ENAH: variants seen among roughly 807,000 people sequenced by gnomAD.
ENAH encodes ENAH actin regulator.
A neutral mutation model predicts 78.7 loss-of-function variants in ENAH; 23 were observed. The ratio of observed to expected loss-of-function variants is 0.29; its 90% confidence interval spans 0.21 to 0.41. The LOEUF is 0.41. Ranked by LOEUF, ENAH falls within the 10% of genes least tolerant of loss-of-function variation. The probability of loss-of-function intolerance (pLI) is 1.00; values close to 1 mark genes in which losing one functional copy is unlikely to be tolerated. For synonymous variants in ENAH, 226 were observed against 241.0 expected, an observed-to-expected ratio of 0.94 and a Z score of 0.58; for missense variants, 544 against 691.0, an observed-to-expected ratio of 0.79 and a Z score of 2.39.
rs1253184395 is a variant in ENAH, at chr1:225,490,814, G to A, written c.*6961C>T. On this transcript the variant is annotated 3_prime_UTR_variant, in exon 14 of 14. Transcript: ENST00000366843. The stretch of plus-strand genomic sequence containing the variant: ...TGGAAATTTAAGTGGCAAAGTCAAC[G>A]TCTTTTACCAACCATCCATGGGCTA... 3 of 152,208 alleles carry A rather than the reference G, an allele frequency of 2.0e-5. No homozygotes were observed. Among genetic ancestry groups the A allele is most frequent in the Admixed American group, 6.5e-5 (1 of 15,274 alleles). The allele number at this position is 152,208 out of a possible 1,614,324, so 9.4% of individuals were successfully genotyped here.
chr1:225,620,399 G>T (rs1485959969), intron 1 of ENAH, among the ~76,000 whole-genome samples: 1 of 151,738 alleles, frequency 6.6e-6, no homozygotes, highest in African/African-American at 2.4e-5. Context: ...GGTGCCACAT[G>T]CCTGTAGTCC....
At chr1:225,638,162 G>A (rs957906928) in intron 1 of ENAH, among the ~76,000 whole-genome samples, 1 of 152,044 alleles carries the variant, frequency 6.6e-6, no homozygotes, top group African/African-American at 2.4e-5. Context: ...GTAAATAGCA[G>A]AATGGCTCTG....
chr1:225,493,286 G>C lies in ENAH; in HGVS notation c.*4489C>G, dbSNP rs1395252742. On this transcript the variant is annotated 3_prime_UTR_variant, in exon 14 of 14. Transcript: ENST00000366843. ...TTGGCTTCTATAAACGGACTTTCTT[G>C]AGGGGTTACTGACTTCAGCTGCTTA... 2.0e-5 allele frequency: 3 copies of C among 152,172 alleles called. No individual in the cohort carries two copies. Among genetic ancestry groups the C allele is most frequent in the African/African-American group, 7.2e-5 (3 of 41,450 alleles). The allele number at this position is 152,172 out of a possible 1,614,324, so 9.4% of individuals were successfully genotyped here.
chr1:225,599,024 G>A (rs1315563849), intron 1 of ENAH, among the ~76,000 whole-genome samples: 2 of 152,106 alleles, frequency 1.3e-5, no homozygotes, highest in Non-Finnish European at 2.9e-5. Flanking sequence ...TCGCAATATT[G>A]GGAAAACTGC....
chr1:225,523,543 G>C (rs1362938262), intron 4 of ENAH, among the ~76,000 whole-genome samples: 1 of 152,086 alleles, frequency 6.6e-6, no homozygotes, highest in Non-Finnish European at 1.5e-5. Flanking sequence ...AGCTGCAGGA[G>C]ATTCTTACTA....
intron 1 of ENAH, among the ~76,000 whole-genome samples, chr1:225,643,416 C>T (rs1272792661): frequency 1.3e-5 from 2 of 151,536 alleles, no homozygotes; most frequent in Non-Finnish European, 2.9e-5. Context: ...AAACAAAACA[C>T]AGCACTACTT....
chr1:225,622,253 T>G (rs1302449810), intron 1 of ENAH, among the ~76,000 whole-genome samples: 1 of 152,122 alleles, frequency 6.6e-6, no homozygotes, highest in Non-Finnish European at 1.5e-5. Context: ...TTTGCTATCT[T>G]GATTGTACAC....
rs71170086 is a variant in ENAH at position 225,519,331 on chromosome 1, A to ATCCAGGCGTTCCTGCCGC, written c.651_668dup (p.Glu217_Leu222dup). The ATCCAGGCGTTCCTGCCGC allele has an allele frequency of 5.4e-3, 8,737 of 1,610,322 alleles. 162 individuals are homozygous for ATCCAGGCGTTCCTGCCGC. The highest frequency in any genetic ancestry group is 0.038 in the East Asian group (1,696 of 44,630). ...GTTCTTGTCTTTCTTGCCTCTCCCG[A>ATCCAGGCGTTCCTGCCGC]TCCAGGCGTTCCTGCCGCTCCAGGC... On this transcript the variant is annotated inframe_insertion, in exon 5 of 14. Coordinates refer to ENST00000366843, the MANE Select transcript of ENAH (RefSeq NM_018212.6).
chr1:225,585,270 T>C (rs566340070), intron 1 of ENAH, among the ~76,000 whole-genome samples: 1 of 146,544 alleles, frequency 6.8e-6, no homozygotes, highest in South Asian at 2.1e-4. Flanking sequence ...AAAAGACATT[T>C]TCACAGTATT....
At chr1:225,558,101 TTTTG>T (rs1479083756) in intron 2 of ENAH, among the ~76,000 whole-genome samples, 4 of 152,208 alleles carry the variant, frequency 2.6e-5, no homozygotes, top group African/African-American at 7.2e-5. Flanking sequence ...ATCTCTAGAT[TTTTG>T]TTTGATATTG....
At chr1:225,617,541 A>T (rs947223118) in intron 1 of ENAH, among the ~76,000 whole-genome samples, 9 of 152,142 alleles carry the variant, frequency 5.9e-5, no homozygotes, top group South Asian at 2.1e-4. Flanking sequence ...AGTATTTTTT[A>T]AAAAACTGAA....
chr1:225,630,737 T>C (rs1342627008), intron 1 of ENAH, among the ~76,000 whole-genome samples: 2 of 152,202 alleles, frequency 1.3e-5, no homozygotes, highest in African/African-American at 2.4e-5. Flanking sequence ...AAAAACTTTA[T>C]CAATAAAAGG....
chr1:225,567,159 A>C lies in ENAH; in HGVS notation c.171+90T>G, dbSNP rs547393664. On this transcript the variant is annotated intron_variant, in intron 2 of 13. Transcript: ENST00000366843. ...TTCCCAGAGAGAGACTATTTTGATTACAGTTTTAAAACTACTTTATTTTAC... is the reference window on the plus strand; with the variant it reads ...TTCCCAGAGAGAGACTATTTTGATTCCAGTTTTAAAACTACTTTATTTTAC... 2.9e-6 allele frequency: 4 copies of C among 1,396,282 alleles called. No individual in the cohort carries two copies. The East Asian group carries it at 9.7e-5, about 34-fold the overall frequency. The allele number at this position is 1,396,282 out of a possible 1,614,324, so 86.5% of individuals were successfully genotyped here.
intron 1 of ENAH, among the ~76,000 whole-genome samples, chr1:225,570,438 A>G (rs2096755900): frequency 6.6e-6 from 1 of 151,382 alleles, no homozygotes; most frequent in Non-Finnish European, 1.5e-5. Context: ...TACACTGGAA[A>G]AACTGTGCCT....
chr1:225,586,291 A>G (rs1282073023), intron 1 of ENAH, among the ~76,000 whole-genome samples: 1 of 149,282 alleles, frequency 6.7e-6, no homozygotes, highest in East Asian at 2.0e-4. Context: ...GGGGAAGAAA[A>G]GAGGGGAGAG....
chr1:225,648,841 C>T (rs1450948421), intron 1 of ENAH, among the ~76,000 whole-genome samples: 1 of 150,442 alleles, frequency 6.6e-6, no homozygotes, highest in Non-Finnish European at 1.5e-5. Context: ...GATTGTACCA[C>T]ACTCTGAAAT....
chr1:225,492,523 C>T lies in ENAH; in HGVS notation c.*5252G>A, dbSNP rs1200257603. 1 of 152,204 alleles carries T rather than the reference C, an allele frequency of 6.6e-6. No individual in the cohort carries two copies. The highest frequency in any genetic ancestry group is 2.4e-5 in the African/African-American group (1 of 41,444). 9.4% of individuals were successfully genotyped at this position (152,204 alleles called of 1,614,324 possible). A position where few individuals can be genotyped will look rare whatever the true frequency, so the allele number is the denominator to read the frequency against. ...TCCTACACCAGAAGCGTCTACGGGC[C>T]CTGCTCTCTGCTCTTTATGAGTATT... On this transcript the variant is annotated 3_prime_UTR_variant, in exon 14 of 14. Coordinates refer to ENST00000366843, the MANE Select transcript of ENAH (RefSeq NM_018212.6).
At chr1:225,560,046 C>T (rs537531995) in intron 2 of ENAH, among the ~76,000 whole-genome samples, 15 of 152,306 alleles carry the variant, frequency 9.8e-5, no homozygotes, top group East Asian at 5.8e-4. Context: ...AAGGAGACAC[C>T]GAGTCAAAGT....
chr1:225,560,988 C>A (rs1334262164), intron 2 of ENAH, among the ~76,000 whole-genome samples: 2 of 152,168 alleles, frequency 1.3e-5, no homozygotes, highest in South Asian at 2.1e-4. Context: ...GTAATCCCAG[C>A]ACTTTGGGAG....
Sources: gnomAD v4.1 joint callset for allele counts (sites outside exome capture counted in the v4.1 genomes callset) on GRCh38, gnomAD v4.1.1 for gene constraint, MANE v1.5 for transcripts, NCBI Gene and HGNC (gene_info 2026-07-23, HGNC 2026-07-21) for gene names.